Variants in INSYN2B observed in about 807,000 individuals in gnomAD.
The protein encoded by INSYN2B is protein INSYN2B.
A neutral mutation model predicts 41.2 loss-of-function variants in INSYN2B; 16 were observed. That is an observed-to-expected ratio of 0.39 (90% CI 0.26 to 0.59). INSYN2B has a LOEUF of 0.59. Among genes scored for constraint, INSYN2B ranks in the 20% least tolerant of loss-of-function variants. The pLI, the probability that INSYN2B is intolerant of heterozygous loss-of-function variation, is 0.57. For synonymous variants in INSYN2B, 245 were observed against 244.4 expected, an observed-to-expected ratio of 1.00 and a Z score of -0.02; for missense variants, 608 against 646.4, an observed-to-expected ratio of 0.94 and a Z score of 0.64.
chr5:169,917,824 T>A (rs1774958428), intron 1 of INSYN2B, among the ~76,000 whole-genome samples: 2 of 152,138 alleles, frequency 1.3e-5, no homozygotes, highest in Admixed American at 1.3e-4. Flanking sequence ...GACTGGTAAT[T>A]AAGGAGGAGT....
At chr5:169,957,156 C>G (rs1445554745) in intron 1 of INSYN2B, among the ~76,000 whole-genome samples, 1 of 152,176 alleles carries the variant, frequency 6.6e-6, no homozygotes, top group African/African-American at 2.4e-5. Context: ...ATTTGCTTCT[C>G]ATTGCCTGGT....
rs554082477 is a variant in INSYN2B, at chr5:169,891,707, G to A, written c.-918-6891C>T. 5.7e-4 allele frequency among the ~76,000 whole-genome samples: 87 copies of A among 152,192 alleles called. 1 individual carries two copies. Among genetic ancestry groups the A allele is most frequent in the African/African-American group, 1.9e-3 (79 of 41,548 alleles). On this transcript the variant is annotated intron_variant, in intron 1 of 3. Coordinates refer to ENST00000377365, the MANE Select transcript of INSYN2B (RefSeq NM_001129891.3). ...TGCTTCAAAAAGAACAAAGTCAGCC[G>A]GGCACGGTGGTTCACACCCATAATC...
At chr5:169,900,619 C>T (rs1253923049) in intron 1 of INSYN2B, among the ~76,000 whole-genome samples, 1 of 152,182 alleles carries the variant, frequency 6.6e-6, no homozygotes, top group Non-Finnish European at 1.5e-5. Flanking sequence ...AGTATTGACT[C>T]CTTCATGCAC....
At chr5:169,896,668 T>C (rs1449648408) in intron 1 of INSYN2B, among the ~76,000 whole-genome samples, 1 of 151,850 alleles carries the variant, frequency 6.6e-6, no homozygotes, top group African/African-American at 2.4e-5. Flanking sequence ...TCATCATTAT[T>C]ATTATCAAAG....
At chr5:169,958,726 G>T (rs1776962753) in intron 1 of INSYN2B, among the ~76,000 whole-genome samples, 1 of 152,282 alleles carries the variant, frequency 6.6e-6, no homozygotes, top group South Asian at 2.1e-4. Context: ...AAAAGCTGGT[G>T]TGCAGCAATG....
rs1479878922 is a variant in INSYN2B at position 169,861,950 on chromosome 5, T to A, written c.*2323A>T. 6.7e-6 allele frequency among the ~76,000 whole-genome samples: 1 copy of A among 149,330 alleles called. No homozygotes were observed. The highest frequency in any genetic ancestry group is 1.5e-5 in the Non-Finnish European group (1 of 66,934). The stretch of plus-strand genomic sequence containing the variant: ...TTTCTTTTCTTTTCTTTTTTTTTTG[T>A]TGGGGAAGTGCAGAAAATGTCAACA... On this transcript the variant is annotated 3_prime_UTR_variant, in exon 4 of 4. Transcript: ENST00000377365.
Position 169,883,951 on chromosome 5 carries a change from C to G in INSYN2B, c.-53G>C. 1 of 1,422,754 alleles carries G rather than the reference C, an allele frequency of 7.0e-7. No individual in the cohort carries two copies. The highest frequency in any genetic ancestry group is 9.3e-7 in the Non-Finnish European group (1 of 1,078,996). 88.1% of individuals were successfully genotyped at this position (1,422,754 alleles called of 1,614,324 possible). ...ATACACTTCTCCTAGGCACATCTCC[C>G]CTTAGGTCTTTGGAGCAGTATCTAA... On this transcript the variant is annotated 5_prime_UTR_variant, in exon 2 of 4. Coordinates refer to ENST00000377365, the MANE Select transcript of INSYN2B (RefSeq NM_001129891.3).
intron 1 of INSYN2B, among the ~76,000 whole-genome samples, chr5:169,895,836 A>G (rs1430343869): frequency 6.6e-6 from 1 of 152,208 alleles, no homozygotes; most frequent in African/African-American, 2.4e-5. Flanking sequence ...TTTGGCTCAC[A>G]TAACGCAGTG....
chr5:169,949,297 G>T (rs1776566518), intron 1 of INSYN2B, among the ~76,000 whole-genome samples: 1 of 152,156 alleles, frequency 6.6e-6, no homozygotes, highest in South Asian at 2.1e-4. Flanking sequence ...TCCCAGGAGG[G>T]AGATCATAAT....
At chr5:169,938,274 C>T (rs1013093464) in intron 1 of INSYN2B, among the ~76,000 whole-genome samples, 7 of 150,746 alleles carry the variant, frequency 4.6e-5, no homozygotes, top group South Asian at 4.2e-4. Context: ...CTGGGATGTC[C>T]GTGTCCAAAC....
intron 1 of INSYN2B, among the ~76,000 whole-genome samples, chr5:169,928,197 A>G (rs1302472265): frequency 6.6e-6 from 1 of 152,086 alleles, no homozygotes; most frequent in African/African-American, 2.4e-5. Flanking sequence ...GGCCAAACCA[A>G]TATTGACAGC....
intron 1 of INSYN2B, among the ~76,000 whole-genome samples, chr5:169,942,078 T>A (rs76345647): frequency 6.7e-4 from 102 of 152,350 alleles, no homozygotes; most frequent in East Asian, 5.8e-3. Context: ...GATGTGGGCC[T>A]GTCTCTAATT....
chr5:169,864,310 G>GTTTTCCGCCTTAAGTCCTGC lies in INSYN2B; in HGVS notation c.1551_1570dup (p.Thr524SerfsTer4), dbSNP rs1187028285. The GTTTTCCGCCTTAAGTCCTGC allele has an allele frequency of 6.4e-7, 1 of 1,551,578 alleles. No homozygotes were observed. Among genetic ancestry groups the GTTTTCCGCCTTAAGTCCTGC allele is most frequent in the Non-Finnish European group, 8.7e-7 (1 of 1,146,954 alleles). On this transcript the variant is annotated stop_gained and frameshift_variant, in exon 4 of 4. Transcript: ENST00000377365. LOFTEE classifies it high-confidence loss of function. ...GAAGCATTTCTTTTTCACCTTCTTG[G>GTTTTCCGCCTTAAGTCCTGC]TTTTCCGCCTTAAGTCCTGCTTTTC... is the stretch of plus-strand genomic sequence containing the variant.
intron 1 of INSYN2B, among the ~76,000 whole-genome samples, chr5:169,968,856 G>T (rs974529455): frequency 6.6e-6 from 1 of 152,102 alleles, no homozygotes; most frequent in Non-Finnish European, 1.5e-5. Flanking sequence ...AAGGCTTCCC[G>T]GGAGAAGAAA....
intron 1 of INSYN2B, among the ~76,000 whole-genome samples, chr5:169,897,198 T>A (rs1213229072): frequency 6.6e-6 from 1 of 152,010 alleles, no homozygotes; most frequent in East Asian, 1.9e-4. Context: ...TGAGCTCTTT[T>A]TTTTTGAGAC....
chr5:169,882,378 A>G (rs1159483806), intron 2 of INSYN2B, among the ~76,000 whole-genome samples, 175 bp downstream of exon 2: 1 of 152,166 alleles, frequency 6.6e-6, no homozygotes, highest in East Asian at 1.9e-4. Flanking sequence ...AAAGCCTAGA[A>G]CTAAATGAAA....
At chr5:169,913,345 A>G (rs1441004024) in intron 1 of INSYN2B, among the ~76,000 whole-genome samples, 1 of 152,102 alleles carries the variant, frequency 6.6e-6, no homozygotes, top group Non-Finnish European at 1.5e-5. Context: ...AGCCTGATCT[A>G]TGGCTAGAAC....
intron 1 of INSYN2B, among the ~76,000 whole-genome samples, chr5:169,901,234 T>C (rs6883554): frequency 0.37 from 55,879 of 151,974 alleles, 11,454 homozygotes; most frequent in Admixed American, 0.5. Context: ...ACACTGGCTC[T>C]GATGCAAGAA....
At chr5:169,946,467 T>C (rs533344617) in intron 1 of INSYN2B, among the ~76,000 whole-genome samples, 25 of 152,314 alleles carry the variant, frequency 1.6e-4, no homozygotes, top group Non-Finnish European at 2.9e-4. Context: ...GTTTTGGAAA[T>C]TGATCTTTAC....
Sources: allele counts gnomAD v4.1 joint callset (sites outside exome capture counted in the v4.1 genomes callset), GRCh38; gene constraint gnomAD v4.1.1; transcripts MANE v1.5; gene names NCBI Gene and HGNC (gene_info 2026-07-23, HGNC 2026-07-21).